The following HDAC9 variants were observed in gnomAD, a reference collection of about 807,000 sequenced individuals.
HDAC9 encodes histone deacetylase 9.
HDAC9 carries 41 observed loss-of-function variants against 139.4 expected under a neutral mutation model. The observed-to-expected ratio is 0.29, with a 90% CI of 0.23 to 0.38. HDAC9 has a LOEUF of 0.38. Ranked by LOEUF, HDAC9 falls within the 10% of genes least tolerant of loss-of-function variation. The pLI is 1.00. For synonymous variants in HDAC9, 517 were observed against 476.2 expected (o/e 1.09, Z -1.12); for missense variants, 1,147 against 1,297.0 (o/e 0.88, Z 1.78).
chr7:18,732,497 ATG>A (rs1562891345), intron 13 of HDAC9, among the ~76,000 whole-genome samples: 2 of 151,114 alleles, frequency 1.3e-5, no homozygotes, highest in Non-Finnish European at 3.0e-5. Context: ...ATGTGTATAT[ATG>A]TGTATATACA....
intron 25 of HDAC9, among the ~76,000 whole-genome samples, chr7:18,977,919 G>GACAGACAGACACAC (rs1422767293): frequency 1.8e-4 from 26 of 141,036 alleles, no homozygotes; most frequent in African/African-American, 6.8e-4. Flanking sequence ...CAGACAGACA[G>GACAGACAGACACAC]ACACACACAC....
At chr7:18,956,739 G>A (rs1452353598) in intron 24 of HDAC9, among the ~76,000 whole-genome samples, 2 of 152,068 alleles carry the variant, frequency 1.3e-5, no homozygotes, top group Non-Finnish European at 2.9e-5. Context: ...TCCAACTCCA[G>A]GGGAGCTGTT....
Position 18,351,231 on chromosome 7 carries a change from T to A in HDAC9, c.-42+60716T>A, listed in dbSNP as rs577120501. Among the ~76,000 whole-genome samples, 19 of 152,270 alleles carry A rather than the reference T, an allele frequency of 1.2e-4. No homozygotes were observed. In the South Asian group the frequency reaches 3.9e-3, roughly 32 times the overall value. Reference sequence around the variant, plus strand: ...TGACTTTAATACATCATTGCCTGATTTACTTATATAATTTTTATTTATCGT... The same window carrying A: ...TGACTTTAATACATCATTGCCTGATATACTTATATAATTTTTATTTATCGT... On this transcript the variant is annotated intron_variant, in intron 1 of 3. Coordinates refer to the HDAC9 transcript ENST00000413509.
chr7:18,850,510 T>C (rs1426977516), intron 21 of HDAC9, among the ~76,000 whole-genome samples: 1 of 152,218 alleles, frequency 6.6e-6, no homozygotes, highest in East Asian at 1.9e-4. Context: ...AATGAAGAAG[T>C]ATTTTTTATC....
chr7:18,655,795 C>T (rs574585866), intron 11 of HDAC9, among the ~76,000 whole-genome samples: 6 of 151,884 alleles, frequency 4.0e-5, no homozygotes, highest in African/African-American at 7.3e-5. Flanking sequence ...ATGAGAAAAA[C>T]AATAGTTGGA....
chr7:18,217,929 G>T (rs1466498182), intron 2 of HDAC9, among the ~76,000 whole-genome samples: 2 of 152,288 alleles, frequency 1.3e-5, no homozygotes, highest in South Asian at 2.1e-4. Context: ...TAGTCAGGCT[G>T]TGGGCTGGAG....
intron 1 of HDAC9, among the ~76,000 whole-genome samples, chr7:18,329,424 A>C (rs2128645301): frequency 6.6e-6 from 1 of 151,954 alleles, no homozygotes; most frequent in South Asian, 2.1e-4. Context: ...GTACTCCATA[A>C]ATATACAATT....
At chr7:18,718,949 T>C (rs1784919695) in intron 12 of HDAC9, among the ~76,000 whole-genome samples, 1 of 152,224 alleles carries the variant, frequency 6.6e-6, no homozygotes, top group Non-Finnish European at 1.5e-5. Flanking sequence ...TATTTTTTAT[T>C]TATAATAAAC....
intron 1 of HDAC9, among the ~76,000 whole-genome samples, chr7:18,382,321 G>A (rs1785515298): frequency 6.6e-6 from 1 of 152,138 alleles, no homozygotes; most frequent in Non-Finnish European, 1.5e-5. Flanking sequence ...AAAAATAAGG[G>A]AAAAGTTGCC....
chr7:18,537,744 A>G (rs1811367193), intron 2 of HDAC9, among the ~76,000 whole-genome samples: 1 of 152,212 alleles, frequency 6.6e-6, no homozygotes, highest in Non-Finnish European at 1.5e-5. Flanking sequence ...GTCTGACCCA[A>G]AAGTTATGCG....
chr7:18,231,452 A>G (rs1306214066), intron 2 of HDAC9, among the ~76,000 whole-genome samples: 1 of 152,206 alleles, frequency 6.6e-6, no homozygotes, highest in Non-Finnish European at 1.5e-5. Context: ...GTTTAGGACT[A>G]CCTGAGTCAG....
intron 1 of HDAC9, among the ~76,000 whole-genome samples, chr7:18,348,524 T>C (rs1221455995): frequency 6.6e-6 from 1 of 152,194 alleles, no homozygotes; most frequent in East Asian, 1.9e-4. Flanking sequence ...GCATCTATTA[T>C]ACTGTAGGGG....
intron 16 of HDAC9, among the ~76,000 whole-genome samples, chr7:18,788,992 G>A (rs529784969): frequency 2.0e-5 from 3 of 151,960 alleles, no homozygotes; most frequent in African/African-American, 7.3e-5. Flanking sequence ...AAGCATGCCT[G>A]GTTGTCACAG....
At chr7:18,141,526 TA>T (rs1201549355) in intron 1 of HDAC9, among the ~76,000 whole-genome samples, 15 of 152,130 alleles carry the variant, frequency 9.9e-5, no homozygotes, top group Non-Finnish European at 2.2e-4. Flanking sequence ...CATCTCTGAA[TA>T]GAGCAAAATT....
intron 1 of HDAC9, among the ~76,000 whole-genome samples, chr7:18,435,059 C>CAA (rs376786180): frequency 0.2 from 13,101 of 64,608 alleles, 831 homozygotes; most frequent in African/African-American, 0.22. Flanking sequence ...ACTACACAGC[C>CAA]AAAAAAAAAA....
intron 2 of HDAC9, among the ~76,000 whole-genome samples, chr7:18,519,051 A>G (rs1804136936): frequency 6.6e-6 from 1 of 152,222 alleles, no homozygotes. Context: ...AGTGATTGAT[A>G]AATACTATGT....
At chr7:18,399,116 A>G (rs1171988436) in intron 1 of HDAC9, among the ~76,000 whole-genome samples, 3 of 152,156 alleles carry the variant, frequency 2.0e-5, no homozygotes, top group Admixed American at 6.6e-5. Flanking sequence ...CAACCCTTAT[A>G]AAAGGCTTTA....
chr7:18,726,673 T>C (rs1489452905), intron 12 of HDAC9, among the ~76,000 whole-genome samples: 2 of 151,108 alleles, frequency 1.3e-5, no homozygotes, highest in African/African-American at 4.8e-5. Context: ...AGTATATATA[T>C]TTTTGATAAA....
At chr7:18,595,787 T>G (rs1832311347) in intron 6 of HDAC9, among the ~76,000 whole-genome samples, 1 of 152,014 alleles carries the variant, frequency 6.6e-6, no homozygotes, top group Non-Finnish European at 1.5e-5. Flanking sequence ...TTGGGAACAT[T>G]AAGCACCCAG....
Sources: gnomAD v4.1 joint callset for allele counts (sites outside exome capture counted in the v4.1 genomes callset) on GRCh38, gnomAD v4.1.1 for gene constraint, MANE v1.5 for transcripts, NCBI Gene and HGNC (gene_info 2026-07-23, HGNC 2026-07-21) for gene names.